Variants in GPHN observed in about 807,000 individuals in gnomAD.
GPHN encodes gephyrin.
In GPHN, 17 loss-of-function variants were observed where a neutral mutation model predicts 95.5. The observed-to-expected ratio is 0.18, with a 90% CI of 0.12 to 0.27. The LOEUF is 0.27. GPHN is among the 10% of genes least tolerant of loss of function. The pLI, the probability that GPHN is intolerant of heterozygous loss-of-function variation, is 1.00. For synonymous variants in GPHN, 320 were observed against 322.5 expected, an observed-to-expected ratio of 0.99 and a Z score of 0.08; for missense variants, 660 against 978.1, an observed-to-expected ratio of 0.67 and a Z score of 4.34.
chr14:66,760,685 A>G, intron 2 of GPHN: 2 of 441,930 alleles, frequency 4.5e-6, no homozygotes, highest in Non-Finnish European at 8.6e-6. Context: ...AGTTAGGTGA[A>G]CCAAAGCATT....
chr14:66,604,185 A>G (rs1055963515), intron 1 of GPHN, among the ~76,000 whole-genome samples: 4 of 152,100 alleles, frequency 2.6e-5, no homozygotes, highest in African/African-American at 4.8e-5. Context: ...TGCAAAGTAT[A>G]GGCAGTAATA....
the GPHN span, among the ~76,000 whole-genome samples, chr14:67,469,450 T>C: frequency 6.9e-6 from 1 of 145,280 alleles, no homozygotes; most frequent in African/African-American, 2.6e-5. Flanking sequence ...CTTTTTTTTT[T>C]TTTTTTTTTT....
chr14:67,722,726 G>A, the GPHN span: 20 of 1,607,180 alleles, frequency 1.2e-5, no homozygotes, highest in Non-Finnish European at 1.6e-5. Flanking sequence ...TCTTAATTCA[G>A]CAACTCAAAC....
intron 2 of GPHN, among the ~76,000 whole-genome samples, chr14:66,683,572 G>A (rs929637702): frequency 2.2e-5 from 3 of 135,642 alleles, no homozygotes; most frequent in Admixed American, 8.1e-5. Context: ...TGGCATAAAT[G>A]TTCACTACTT....
At chr14:66,687,486 G>GT (rs1200775448) in intron 2 of GPHN, among the ~76,000 whole-genome samples, 9,244 of 124,950 alleles carry the variant, frequency 0.074, 583 homozygotes, top group African/African-American at 0.12. Context: ...ATTTTATTTG[G>GT]TTTTTTTTTT....
the GPHN span, chr14:67,645,550 T>C: frequency 1.4e-6 from 2 of 1,431,806 alleles, no homozygotes; most frequent in East Asian, 2.3e-5. Context: ...CTTTGCACTG[T>C]GGAGAGAGTA....
At chr14:66,997,542 T>C (rs2071902363) in intron 9 of GPHN, among the ~76,000 whole-genome samples, 1 of 152,112 alleles carries the variant, frequency 6.6e-6, no homozygotes, top group South Asian at 2.1e-4. Flanking sequence ...CAGAATGTCA[T>C]CCCAAAGAAA....
chr14:67,288,782 A>G, the GPHN span, among the ~76,000 whole-genome samples: 4 of 152,100 alleles, frequency 2.6e-5, no homozygotes, highest in Admixed American at 2.0e-4. Flanking sequence ...GCTTATGGTT[A>G]GATTCTGGCT....
At chr14:67,569,905 T>A in the GPHN span, 5 of 1,563,252 alleles carry the variant, frequency 3.2e-6, no homozygotes, top group Non-Finnish European at 3.5e-6. Flanking sequence ...ATCTCATTCC[T>A]CTCTTCCCTG....
chr14:67,351,702 G>T, the GPHN span, among the ~76,000 whole-genome samples: 2 of 151,384 alleles, frequency 1.3e-5, no homozygotes, highest in Non-Finnish European at 2.9e-5. Context: ...CTTCTTTTTT[G>T]TAGAGACAAG....
intron 4 of GPHN, among the ~76,000 whole-genome samples, chr14:66,863,236 G>A (rs922303541): frequency 6.8e-6 from 1 of 147,736 alleles, no homozygotes; most frequent in African/African-American, 2.5e-5. Flanking sequence ...TAGCCACAGA[G>A]AAAATTAAAT....
chr14:67,327,487 A>G, the GPHN span, among the ~76,000 whole-genome samples: 1 of 148,094 alleles, frequency 6.8e-6, no homozygotes, highest in Non-Finnish European at 1.5e-5. Flanking sequence ...TTTTTATTTT[A>G]TTTTTTTATT....
At chr14:67,633,136 A>T in the GPHN span, among the ~76,000 whole-genome samples, 2 of 152,002 alleles carry the variant, frequency 1.3e-5, no homozygotes, top group Non-Finnish European at 2.9e-5. Flanking sequence ...CTTAATTTTT[A>T]ATTAGTATTG....
At chr14:67,558,293 G>A in the GPHN span, among the ~76,000 whole-genome samples, 2 of 152,004 alleles carry the variant, frequency 1.3e-5, no homozygotes, top group East Asian at 3.9e-4. Context: ...TCCTACACAT[G>A]CCTTCTCCAT....
chr14:66,651,605 T>TA (rs1462347556), intron 1 of GPHN, among the ~76,000 whole-genome samples: 1 of 152,144 alleles, frequency 6.6e-6, no homozygotes, highest in Non-Finnish European at 1.5e-5. Context: ...GACTTCAAAT[T>TA]ATGGTGGCCT....
the GPHN span, among the ~76,000 whole-genome samples, chr14:67,418,590 T>C: frequency 1.3e-5 from 2 of 152,170 alleles, no homozygotes; most frequent in Non-Finnish European, 2.9e-5. Context: ...GCTCCTACTC[T>C]GGGTCCAGGA....
At chr14:66,978,359 T>G (rs1217349940) in intron 9 of GPHN, among the ~76,000 whole-genome samples, 1 of 152,200 alleles carries the variant, frequency 6.6e-6, no homozygotes, top group African/African-American at 2.4e-5. Flanking sequence ...CAGTGAAACT[T>G]CCTTCAAAAT....
intron 8 of GPHN, among the ~76,000 whole-genome samples, chr14:66,964,368 A>G (rs1450427471): frequency 1.3e-5 from 2 of 152,202 alleles, no homozygotes; most frequent in East Asian, 3.8e-4. Flanking sequence ...AGGAAGTAGC[A>G]ATTCAAAAGG....
chr14:67,716,406 T>C, the GPHN span, among the ~76,000 whole-genome samples: 1 of 152,156 alleles, frequency 6.6e-6, no homozygotes, highest in South Asian at 2.1e-4. Flanking sequence ...AAAAATTCCA[T>C]TTATGTTAGA....
Sources: gnomAD v4.1 joint callset for allele counts (sites outside exome capture counted in the v4.1 genomes callset) on GRCh38, gnomAD v4.1.1 for gene constraint, MANE v1.5 for transcripts, NCBI Gene and HGNC (gene_info 2026-07-23, HGNC 2026-07-21) for gene names.